ELOVL6: variants seen among roughly 807,000 people sequenced by gnomAD.
The protein encoded by ELOVL6 is ELOVL fatty acid elongase 6.
In ELOVL6, 8 loss-of-function variants were observed where a neutral mutation model predicts 31.7. The ratio of observed to expected loss-of-function variants is 0.25; its 90% confidence interval spans 0.15 to 0.45. The LOEUF (loss-of-function observed/expected upper bound fraction) is 0.45, where lower values mean the gene tolerates loss of function less well. Among genes scored for constraint, ELOVL6 ranks in the 20% least tolerant of loss-of-function variants. The pLI is 1.00. For missense variants in ELOVL6, 126 were observed against 326.4 expected (o/e 0.39, Z 4.73); for synonymous variants, 101 against 117.7 (o/e 0.86, Z 0.92).
At chr4:110,080,543 G>A (rs149463199) in intron 2 of ELOVL6, among the ~76,000 whole-genome samples, 96 of 152,068 alleles carry the variant, frequency 6.3e-4, no homozygotes, top group South Asian at 2.5e-3. Flanking sequence ...ATTCAACAGC[G>A]CTTCATGCTA....
rs187026680 is a variant in ELOVL6, at chr4:110,086,880, G to T, written c.221+18617C>A. 1.6e-3 allele frequency among the ~76,000 whole-genome samples: 241 copies of T among 152,238 alleles called. 1 individual carries two copies. Among genetic ancestry groups the T allele is most frequent in the Non-Finnish European group, 2.6e-3 (177 of 68,000 alleles). The stretch of plus-strand genomic sequence containing the variant: ...GGAAAACTGATCCGGAATTAGGAAA[G>T]TTCTGAGTTATTTGATTATTTTGAA... On this transcript the variant is annotated intron_variant, in intron 2 of 3. Transcript: ENST00000302274.
At chr4:110,103,219 T>C (rs1756799921) in intron 2 of ELOVL6, among the ~76,000 whole-genome samples, 1 of 152,078 alleles carries the variant, frequency 6.6e-6, no homozygotes, top group African/African-American at 2.4e-5. Context: ...AACGAACTAA[T>C]ACAGGCTCTT....
chr4:110,198,098 G>T, intron 1 of ELOVL6, 149 bp downstream of exon 1: 2 of 457,264 alleles, frequency 4.4e-6, no homozygotes, highest in Admixed American at 2.7e-5. Context: ...AGCGTCTCCT[G>T]CACCCGGGAG....
At chr4:110,079,261 C>T (rs536303886) in intron 2 of ELOVL6, among the ~76,000 whole-genome samples, 5 of 152,314 alleles carry the variant, frequency 3.3e-5, no homozygotes, top group African/African-American at 9.6e-5. Context: ...CTACAGAATT[C>T]TCCACCCCAA....
chr4:110,181,225 T>C (rs1037824918), intron 1 of ELOVL6, among the ~76,000 whole-genome samples: 1 of 151,950 alleles, frequency 6.6e-6, no homozygotes, highest in Non-Finnish European at 1.5e-5. Context: ...GGCGGGTGGA[T>C]TGCTCGACTC....
chr4:110,096,613 T>C (rs1350368139), intron 2 of ELOVL6, among the ~76,000 whole-genome samples: 1 of 152,152 alleles, frequency 6.6e-6, no homozygotes, highest in Non-Finnish European at 1.5e-5. Context: ...ATTTCTGATG[T>C]CAGGTCCCAG....
chr4:110,093,038 A>G lies in ELOVL6; in HGVS notation c.221+12459T>C, dbSNP rs1237276944. ...CATTTTATATTTCAACCAAGTTTCA[A>G]AAGAGCTATGGTATTCCAGCTATTT... On this transcript the variant is annotated intron_variant, in intron 2 of 3. Transcript: ENST00000302274. 3 of 411,508 alleles carry G rather than the reference A, an allele frequency of 7.3e-6. No individual in the cohort carries two copies. In the Admixed American group the frequency reaches 9.7e-5, roughly 13 times the overall value. 25.5% of individuals were successfully genotyped at this position (411,508 alleles called of 1,614,324 possible). A position where few individuals can be genotyped will look rare whatever the true frequency, so the allele number is the denominator to read the frequency against.
intron 3 of ELOVL6, among the ~76,000 whole-genome samples, chr4:110,057,782 C>T (rs984114932): frequency 4.7e-5 from 7 of 147,466 alleles, no homozygotes; most frequent in Non-Finnish European, 1.0e-4. Context: ...ACCCGGGACA[C>T]GGAGGTTGCA....
At chr4:110,157,828 T>C (rs1335870065) in intron 1 of ELOVL6, among the ~76,000 whole-genome samples, 2 of 152,238 alleles carry the variant, frequency 1.3e-5, no homozygotes, top group East Asian at 3.8e-4. Context: ...TGAAATAGCC[T>C]AAATGGCACT....
At chr4:110,167,224 A>C (rs1215792926) in intron 1 of ELOVL6, among the ~76,000 whole-genome samples, 1 of 152,224 alleles carries the variant, frequency 6.6e-6, no homozygotes, top group African/African-American at 2.4e-5. Context: ...TAAAAACTTT[A>C]TCCCATCTTC....
At chr4:110,084,168 T>TATACGATATATATCACATATATGTG (rs1756059676) in intron 2 of ELOVL6, among the ~76,000 whole-genome samples, 1 of 39,834 alleles carries the variant, frequency 2.5e-5, no homozygotes, top group African/African-American at 2.2e-4. Context: ...ATATATGTGA[T>TATACGATATATATCACATATATGTG]ATATATGATA....
intron 2 of ELOVL6, among the ~76,000 whole-genome samples, chr4:110,071,462 T>C (rs1463192372): frequency 2.6e-5 from 4 of 152,226 alleles, no homozygotes; most frequent in East Asian, 3.8e-4. Flanking sequence ...GGAGCAAGTA[T>C]GTGTATGCTC....
chr4:110,083,433 C>T (rs547388448), intron 2 of ELOVL6, among the ~76,000 whole-genome samples: 4 of 151,624 alleles, frequency 2.6e-5, no homozygotes, highest in Non-Finnish European at 5.9e-5. Context: ...ATCAGCTGGG[C>T]ACGCTTGGTA....
chr4:110,198,152 T>C, intron 1 of ELOVL6, 95 bp downstream of exon 1: 1 of 671,446 alleles, frequency 1.5e-6, no homozygotes, highest in East Asian at 3.8e-5. Context: ...GATTCATCGC[T>C]CCATTCACGC....
chr4:110,198,729 T>G (rs565950232), upstream of ELOVL6: 16 of 175,596 alleles, frequency 9.1e-5, no homozygotes, highest in African/African-American at 3.8e-4. Context: ...GCGCGACCTC[T>G]CTCCGCCCGG....
intron 1 of ELOVL6, among the ~76,000 whole-genome samples, chr4:110,143,492 A>G (rs1215289130): frequency 6.6e-6 from 1 of 152,120 alleles, no homozygotes; most frequent in African/African-American, 2.4e-5. Context: ...CCTAAGAAAT[A>G]CATTTCTTAT....
At chr4:110,069,905 C>A (rs1755418848) in intron 2 of ELOVL6, among the ~76,000 whole-genome samples, 1 of 152,150 alleles carries the variant, frequency 6.6e-6, no homozygotes, top group South Asian at 2.1e-4. Flanking sequence ...GGAGACCCCA[C>A]CGTGCAAGAT....
At chr4:110,079,402 G>A (rs4698759) in intron 2 of ELOVL6, among the ~76,000 whole-genome samples, 82,152 of 151,688 alleles carry the variant, frequency 0.54, 23,218 homozygotes, top group African/African-American at 0.7. Context: ...CTCAGACCAC[G>A]GTGCAATCAA....
intron 1 of ELOVL6, among the ~76,000 whole-genome samples, chr4:110,177,376 G>A (rs1157059629): frequency 2.0e-5 from 3 of 152,086 alleles, no homozygotes; most frequent in Admixed American, 1.3e-4. Context: ...ATATGAGACT[G>A]CAATAAGCTG....
Sources: gnomAD v4.1 joint callset for allele counts (sites outside exome capture counted in the v4.1 genomes callset) on GRCh38, gnomAD v4.1.1 for gene constraint, MANE v1.5 for transcripts, NCBI Gene and HGNC (gene_info 2026-07-23, HGNC 2026-07-21) for gene names.